The following C9orf85 variants were observed in gnomAD, a reference collection of about 807,000 sequenced individuals.
C9orf85 encodes chromosome 9 open reading frame 85.
A neutral mutation model predicts 14.9 loss-of-function variants in C9orf85; 16 were observed. That is an observed-to-expected ratio of 1.08 (90% CI 0.73 to 1.63). C9orf85 has a LOEUF of 1.63. Ranked by LOEUF, C9orf85 falls within the 40% of genes most tolerant of loss-of-function variation. The pLI is 0.00. For missense variants in C9orf85, 172 were observed against 186.1 expected (o/e 0.92, Z 0.44); for synonymous variants, 45 against 56.8 (o/e 0.79, Z 0.93).
At chr9:71,911,877 G>C (rs1469190991) in intron 1 of C9orf85, 41 bp downstream of exon 1, 1 of 1,559,906 alleles carries the variant, frequency 6.4e-7, no homozygotes, top group Non-Finnish European at 8.8e-7. Context: ...CTCCAGGAAG[G>C]AATGGCTCAC....
At chr9:71,936,912 C>T (rs1453510065) in intron 1 of C9orf85, among the ~76,000 whole-genome samples, 1 of 151,982 alleles carries the variant, frequency 6.6e-6, no homozygotes, top group African/African-American at 2.4e-5. Flanking sequence ...GTGTGCACCA[C>T]CTTGCCTGGC....
At chr9:71,919,559 C>A (rs879646315) in intron 1 of C9orf85, among the ~76,000 whole-genome samples, 1 of 152,114 alleles carries the variant, frequency 6.6e-6, no homozygotes, top group Non-Finnish European at 1.5e-5. Flanking sequence ...GTATTCCCTC[C>A]TCCATTGATT....
At chr9:71,972,190 T>G (rs545653903) in intron 3 of C9orf85, among the ~76,000 whole-genome samples, 2 of 152,178 alleles carry the variant, frequency 1.3e-5, no homozygotes, top group Non-Finnish European at 2.9e-5. Flanking sequence ...ATAGACATCA[T>G]ATATTAATTT....
chr9:71,921,424 C>A (rs1386687050), intron 1 of C9orf85, among the ~76,000 whole-genome samples: 1 of 152,194 alleles, frequency 6.6e-6, no homozygotes, highest in African/African-American at 2.4e-5. Context: ...GAGCTGAACT[C>A]TTTTAACCAA....
intron 1 of C9orf85, 26 bp from the exon 2 acceptor site, chr9:71,946,980 A>C (rs773765069): frequency 6.5e-7 from 1 of 1,542,074 alleles, no homozygotes; most frequent in Non-Finnish European, 8.9e-7. Flanking sequence ...TGAAATTCTC[A>C]ATTTGTCTTT....
At position 71,948,437 on chromosome 9, in the gene C9orf85, T is replaced by C. The variant is rs78708664; in HGVS notation, c.209+1325T>C. Among the ~76,000 whole-genome samples the C allele has an allele frequency of 9.1e-3, 1,379 of 151,846 alleles. 21 individuals carry two copies. The highest frequency in any genetic ancestry group is 0.031 in the African/African-American group (1,278 of 41,420). On this transcript the variant is annotated intron_variant, in intron 2 of 3. Coordinates refer to ENST00000334731, the MANE Select transcript of C9orf85 (RefSeq NM_182505.5). ...GATAAACTAACTTAAGCTTTTTAGATTTTTTTTTCTGTACTCCGTTTTGGA... is the reference window on the plus strand; with the variant it reads ...GATAAACTAACTTAAGCTTTTTAGACTTTTTTTTCTGTACTCCGTTTTGGA...
chr9:71,925,364 T>C (rs1827905206), intron 1 of C9orf85, among the ~76,000 whole-genome samples: 1 of 152,122 alleles, frequency 6.6e-6, no homozygotes, highest in South Asian at 2.1e-4. Context: ...CTACTAAAAA[T>C]ACAAAATTAG....
chr9:71,945,288 A>G (rs1323705947), intron 1 of C9orf85, among the ~76,000 whole-genome samples: 3 of 152,214 alleles, frequency 2.0e-5, no homozygotes, highest in Non-Finnish European at 2.9e-5. Context: ...GTCCATGATA[A>G]CTATTAATAA....
chr9:71,927,466 A>T (rs897143695), intron 1 of C9orf85, among the ~76,000 whole-genome samples: 3 of 152,202 alleles, frequency 2.0e-5, no homozygotes, highest in Non-Finnish European at 4.4e-5. Flanking sequence ...AAGAAAAAAA[A>T]GTAAACTCAT....
Position 71,918,052 on chromosome 9 carries a change from GGC to G in C9orf85, c.102+6217_102+6218del, listed in dbSNP as rs1482115837. Among the ~76,000 whole-genome samples the G allele has an allele frequency of 1.1e-4, 16 of 152,144 alleles. No homozygotes were observed. In the East Asian group the frequency reaches 3.1e-3, roughly 29 times the overall value. On this transcript the variant is annotated intron_variant, in intron 1 of 3. Coordinates refer to ENST00000334731, the MANE Select transcript of C9orf85 (RefSeq NM_182505.5). ...ACAAAAATTAGCCAGGCGTGGTGGT[GGC>G]CGCCTGTAATCCCAGCTATTTGGGA...
intron 2 of C9orf85, among the ~76,000 whole-genome samples, chr9:71,949,906 T>C (rs1822202232): frequency 6.6e-6 from 1 of 152,194 alleles, no homozygotes; most frequent in Non-Finnish European, 1.5e-5. Context: ...AAGGGTCTTA[T>C]GGCCTACTTC....
intron 1 of C9orf85, among the ~76,000 whole-genome samples, chr9:71,917,509 A>G (rs1564081214): frequency 6.6e-6 from 1 of 152,250 alleles, no homozygotes; most frequent in Non-Finnish European, 1.5e-5. Context: ...GTGTTTACAC[A>G]CACCTTTATT....
intron 1 of C9orf85, chr9:71,918,489 C>A (rs909969381): frequency 1.6e-6 from 2 of 1,282,614 alleles, no homozygotes; most frequent in Non-Finnish European, 2.1e-6. Flanking sequence ...GGGTCCCCAG[C>A]CCCCGACCCC....
At chr9:71,955,344 T>C (rs1387755295) in intron 2 of C9orf85, among the ~76,000 whole-genome samples, 1 of 152,106 alleles carries the variant, frequency 6.6e-6, no homozygotes, top group East Asian at 1.9e-4. Flanking sequence ...CAGAGTTTAA[T>C]TGAGCAAAGA....
At chr9:71,918,358 T>G in intron 1 of C9orf85, 1 of 950,106 alleles carries the variant, frequency 1.1e-6, no homozygotes, top group Non-Finnish European at 1.5e-6. Context: ...TAACAGATAT[T>G]GAATATCTCA....
chr9:71,939,202 G>T (rs1186670556), intron 1 of C9orf85, among the ~76,000 whole-genome samples: 1 of 151,520 alleles, frequency 6.6e-6, no homozygotes, highest in Non-Finnish European at 1.5e-5. Context: ...TATATACAAT[G>T]CTATATTATT....
chr9:71,946,896 A>C, intron 1 of C9orf85, 110 bp from the exon 2 acceptor site: 2 of 626,052 alleles, frequency 3.2e-6, no homozygotes, highest in East Asian at 5.6e-5. Flanking sequence ...TGTTATGCAG[A>C]TTAAGGTTCA....
At chr9:71,942,905 A>G (rs964444675) in intron 1 of C9orf85, among the ~76,000 whole-genome samples, 2 of 147,382 alleles carry the variant, frequency 1.4e-5, no homozygotes, top group African/African-American at 4.9e-5. Context: ...TCCGACTCAA[A>G]AAAAAAAAAA....
chr9:71,929,792 T>C (rs184290111), intron 1 of C9orf85, among the ~76,000 whole-genome samples: 1 of 151,288 alleles, frequency 6.6e-6, no homozygotes, highest in African/African-American at 2.4e-5. Context: ...ATGTGTTTTA[T>C]TTTAATATTT....
Sources: allele counts gnomAD v4.1 joint callset (sites outside exome capture counted in the v4.1 genomes callset), GRCh38; gene constraint gnomAD v4.1.1; transcripts MANE v1.5; gene names NCBI Gene and HGNC (gene_info 2026-07-23, HGNC 2026-07-21).